The following MAST2 variants were observed in gnomAD, a reference collection of about 807,000 sequenced individuals.
The protein encoded by MAST2 is microtubule-associated serine/threonine-protein kinase 2.
MAST2 carries 70 observed loss-of-function variants against 147.4 expected under a neutral mutation model. The observed-to-expected ratio is 0.47, with a 90% CI of 0.39 to 0.58. The LOEUF (loss-of-function observed/expected upper bound fraction) is 0.58. Ranked by LOEUF, MAST2 falls within the 20% of genes least tolerant of loss-of-function variation. The probability of loss-of-function intolerance (pLI) is 0.00; values close to 1 mark genes in which losing one functional copy is unlikely to be tolerated. For missense variants in MAST2, 2,080 were observed against 2,302.3 expected (o/e 0.90, Z 1.98); for synonymous variants, 869 against 896.8 (o/e 0.97, Z 0.55).
At chr1:45,880,208 A>C (rs1646783084) in intron 3 of MAST2, among the ~76,000 whole-genome samples, 1 of 152,232 alleles carries the variant, frequency 6.6e-6, no homozygotes. Flanking sequence ...CGATAAATTA[A>C]CTGGGGTATA....
chr1:45,924,424 A>C (rs991774241), intron 4 of MAST2, among the ~76,000 whole-genome samples: 3 of 152,186 alleles, frequency 2.0e-5, no homozygotes, highest in Admixed American at 1.3e-4. Context: ...TGCATAAGTG[A>C]AGAACTGAAA....
At chr1:45,857,460 A>G (rs1319193655) in intron 3 of MAST2, among the ~76,000 whole-genome samples, 1 of 152,224 alleles carries the variant, frequency 6.6e-6, no homozygotes, top group African/African-American at 2.4e-5. Context: ...TTTAAGCAAC[A>G]AATGAAAAAG....
At chr1:45,975,498 A>C (rs1334522947) in intron 5 of MAST2, among the ~76,000 whole-genome samples, 4 of 65,650 alleles carry the variant, frequency 6.1e-5, no homozygotes, top group Non-Finnish European at 1.2e-4. Context: ...GTCTCTCCAA[A>C]AAAAAAAAAA....
intron 7 of MAST2, among the ~76,000 whole-genome samples, chr1:46,004,187 A>G (rs1571166287): frequency 2.0e-5 from 3 of 151,704 alleles, no homozygotes; most frequent in Non-Finnish European, 4.4e-5. Context: ...ACATGGTGAA[A>G]CCCCGTCTCC....
At chr1:46,034,345 TC>T in intron 28 of MAST2, 79 bp downstream of exon 28, 1 of 1,465,352 alleles carries the variant, frequency 6.8e-7, no homozygotes. Flanking sequence ...TTCTGACAGA[TC>T]CCACTCTGAG....
chr1:45,805,744 ACTTATGTC>A (rs1203739035), intron 1 of MAST2, among the ~76,000 whole-genome samples: 2 of 152,110 alleles, frequency 1.3e-5, no homozygotes, highest in Admixed American at 6.5e-5. Flanking sequence ...TAATTTCTCT[ACTTATGTC>A]CTTGATTTCA....
intron 4 of MAST2, among the ~76,000 whole-genome samples, chr1:45,953,871 A>G (rs1178844621): frequency 1.3e-5 from 2 of 152,194 alleles, no homozygotes; most frequent in Non-Finnish European, 2.9e-5. Flanking sequence ...ATAATATATC[A>G]ATAATAATAT....
chr1:46,025,710 G>A lies in MAST2; in HGVS notation c.1814G>A (p.Gly605Glu), dbSNP rs777123944. The A allele has an allele frequency of 3.7e-6, 6 of 1,614,160 alleles. No homozygotes were observed. Among genetic ancestry groups the A allele is most frequent in the Admixed American group, 1.7e-5 (1 of 60,022 alleles). Reference protein sequence around the residue: ...GDCATLLKNIGALPVDMVRLY... With the variant: ...GDCATLLKNIEALPVDMVRLY... Reference sequence around the variant, plus strand: ...TGTGCCACTCTGCTGAAGAATATTGGGGCCCTGCCTGTGGACATGGTGCGT... The same window carrying A: ...TGTGCCACTCTGCTGAAGAATATTGAGGCCCTGCCTGTGGACATGGTGCGT... The change falls in exon 16 of 29, where the codon GGG (glycine) becomes GAG (glutamate). Residue 605 changes from glycine to glutamate, a missense_variant. By Grantham distance (98) the Gly-to-Glu change is moderately conservative. This residue lies in a region of MAST2 where 209 missense variants were observed against 309.5 expected (regional missense o/e 0.68). Coordinates refer to ENST00000361297, the MANE Select transcript of MAST2 (RefSeq NM_015112.3).
In MAST2 at chr1:45,942,455, T is replaced by A. The variant is rs1468968359; in HGVS notation, c.501-16931T>A. ...CATGTATTCATGTGGGAAAACTCAG[T>A]GATGAGTAACTCAAAGAGGTGCTGA... is the stretch of plus-strand genomic sequence containing the variant. On this transcript the variant is annotated intron_variant, in intron 4 of 28. Transcript: ENST00000361297. 1.3e-5 allele frequency among the ~76,000 whole-genome samples: 2 copies of A among 152,216 alleles called. 1 individual carries two copies. The highest frequency in any genetic ancestry group is 4.8e-5 in the African/African-American group (2 of 41,466).
chr1:45,869,911 TTTTGTTTGTTTG>T (rs58270514), intron 3 of MAST2, among the ~76,000 whole-genome samples: 1 of 150,806 alleles, frequency 6.6e-6, no homozygotes, highest in Non-Finnish European at 1.5e-5. Flanking sequence ...CCTGTGATTC[TTTTGTTTGTTTG>T]TTTGTTTGTT....
intron 4 of MAST2, among the ~76,000 whole-genome samples, chr1:45,958,512 C>G (rs894039243): frequency 6.6e-6 from 1 of 150,826 alleles, no homozygotes; most frequent in South Asian, 2.1e-4. Context: ...CCCTCTCCCT[C>G]CCTCCCTCTC....
intron 4 of MAST2, among the ~76,000 whole-genome samples, chr1:45,907,734 C>T (rs951631628): frequency 1.3e-5 from 2 of 152,180 alleles, no homozygotes; most frequent in African/African-American, 4.8e-5. Context: ...CTTCCCTTAC[C>T]CCAGGCCTTG....
chr1:45,854,892 C>G (rs1458615938), intron 3 of MAST2, among the ~76,000 whole-genome samples: 1 of 152,154 alleles, frequency 6.6e-6, no homozygotes, highest in Non-Finnish European at 1.5e-5. Flanking sequence ...TTTTGACTGA[C>G]CAGCTATAAA....
chr1:46,005,133 C>T (rs941014047), intron 7 of MAST2, among the ~76,000 whole-genome samples: 4 of 152,172 alleles, frequency 2.6e-5, no homozygotes, highest in Non-Finnish European at 5.9e-5. Context: ...GAGGCCAAGG[C>T]GGGCAGATCA....
chr1:45,921,783 T>C (rs1653542153), intron 4 of MAST2, among the ~76,000 whole-genome samples: 1 of 152,138 alleles, frequency 6.6e-6, no homozygotes, highest in Non-Finnish European at 1.5e-5. Flanking sequence ...CTGCAGCTCT[T>C]CTCTCCTTCT....
intron 4 of MAST2, among the ~76,000 whole-genome samples, chr1:45,896,870 C>T (rs1352841127): frequency 1.3e-5 from 2 of 152,106 alleles, no homozygotes; most frequent in Non-Finnish European, 2.9e-5. Flanking sequence ...TGAATGTCTC[C>T]CAGGATGAGG....
intron 9 of MAST2, among the ~76,000 whole-genome samples, chr1:46,008,617 C>G (rs1645586432): frequency 6.6e-6 from 1 of 152,156 alleles, no homozygotes; most frequent in Admixed American, 6.5e-5. Flanking sequence ...TCTTCACTAC[C>G]CAGAAGTAGA....
chr1:45,987,763 T>G (rs1644687140), intron 5 of MAST2, among the ~76,000 whole-genome samples: 1 of 29,960 alleles, frequency 3.3e-5, no homozygotes, highest in Non-Finnish European at 7.5e-5. Flanking sequence ...GCATTTCTTG[T>G]TTTTTTTTTT....
At chr1:45,853,702 T>A (rs1436223463) in intron 3 of MAST2, among the ~76,000 whole-genome samples, 1 of 152,162 alleles carries the variant, frequency 6.6e-6, no homozygotes, top group East Asian at 1.9e-4. Context: ...ATACTACCTT[T>A]ATGTGTACAA....
Sources: gnomAD v4.1 joint callset for allele counts (sites outside exome capture counted in the v4.1 genomes callset) on GRCh38, gnomAD v4.1.1 for gene constraint, gnomAD v4.1.1 regional missense constraint, MANE v1.5 for transcripts, NCBI Gene and HGNC (gene_info 2026-07-23, HGNC 2026-07-21) for gene names.